The following ANO10 variants were observed in gnomAD, a reference collection of about 807,000 sequenced individuals.
ANO10 encodes anoctamin-10.
In ANO10, 77 loss-of-function variants were observed where a neutral mutation model predicts 74.7. The ratio of observed to expected loss-of-function variants is 1.03; its 90% CI spans 0.86 to 1.25. The LOEUF (loss-of-function observed/expected upper bound fraction) is 1.25. Ranked by LOEUF, ANO10 falls within the 50% of genes most tolerant of loss-of-function variation. The pLI is 0.00. For missense variants in ANO10, 721 were observed against 778.1 expected, an observed-to-expected ratio of 0.93 and a Z score of 0.87; for synonymous variants, 279 against 284.9, an observed-to-expected ratio of 0.98 and a Z score of 0.21.
At chr3:43,466,743 CACA>C (rs2075644416) in intron 11 of ANO10, among the ~76,000 whole-genome samples, 1 of 152,056 alleles carries the variant, frequency 6.6e-6, no homozygotes, top group Non-Finnish European at 1.5e-5. Context: ...ATCACAAACA[CACA>C]ACGAGAAACT....
chr3:43,649,102 G>A (rs564700609), intron 1 of ANO10, among the ~76,000 whole-genome samples: 45 of 152,214 alleles, frequency 3.0e-4, no homozygotes, highest in South Asian at 1.0e-3. Context: ...AACCCAGTAG[G>A]TCTCAGCCTT....
At chr3:43,376,522 G>C (rs1160008259) in intron 12 of ANO10, among the ~76,000 whole-genome samples, 2 of 152,176 alleles carry the variant, frequency 1.3e-5, no homozygotes, top group African/African-American at 4.8e-5. Context: ...ATATACGAAA[G>C]CTACAATTAC....
chr3:43,599,831 G>A (rs923520851), intron 3 of ANO10, among the ~76,000 whole-genome samples: 32 of 151,752 alleles, frequency 2.1e-4, no homozygotes, highest in African/African-American at 7.3e-4. Context: ...GCGTGAACCC[G>A]AGAGGCGGAG....
At chr3:43,434,554 G>A (rs2093038598) in intron 11 of ANO10, among the ~76,000 whole-genome samples, 1 of 152,146 alleles carries the variant, frequency 6.6e-6, no homozygotes. Flanking sequence ...AGTTGCCAGA[G>A]CCCTACATGA....
chr3:43,662,107 T>C (rs113143002), intron 1 of ANO10, among the ~76,000 whole-genome samples: 3,412 of 152,306 alleles, frequency 0.022, 142 homozygotes, highest in African/African-American at 0.077. Flanking sequence ...ATATACATTC[T>C]TCTCAGCACT....
At chr3:43,430,742 C>A (rs1031897077) in intron 12 of ANO10, among the ~76,000 whole-genome samples, 2 of 151,914 alleles carry the variant, frequency 1.3e-5, no homozygotes, top group Admixed American at 6.6e-5. Flanking sequence ...CCCCATTTTT[C>A]TTCTTTATCA....
intron 10 of ANO10, among the ~76,000 whole-genome samples, chr3:43,554,862 G>A (rs1355485905): frequency 2.0e-5 from 3 of 152,178 alleles, no homozygotes; most frequent in Admixed American, 6.5e-5. Flanking sequence ...ACCACCCCAG[G>A]ACTAGAAAAC....
chr3:43,371,862 T>A (rs2091623725), intron 12 of ANO10, among the ~76,000 whole-genome samples: 1 of 152,184 alleles, frequency 6.6e-6, no homozygotes, highest in Non-Finnish European at 1.5e-5. Flanking sequence ...ACTTTTTATT[T>A]GTTATCTCTA....
At chr3:43,539,522 G>T (rs1297074689) in intron 11 of ANO10, among the ~76,000 whole-genome samples, 1 of 152,202 alleles carries the variant, frequency 6.6e-6, no homozygotes, top group African/African-American at 2.4e-5. Context: ...CACCTAGCAG[G>T]TCTGTTGTTG....
At position 43,640,585 on chromosome 3, in the gene ANO10, A is replaced by G. The variant is rs2083661735; in HGVS notation, c.-11-34722T>C. On this transcript the variant is annotated intron_variant, in intron 1 of 3. Coordinates refer to the ANO10 transcript ENST00000413397. ...TTTCTAATGTTCCTATTTTCTCACC[A>G]TGTAGCAAAAAAGCAGAAGAGCACA... is the stretch of plus-strand genomic sequence containing the variant. Among the ~76,000 whole-genome samples, 3 of 152,340 alleles carry G rather than the reference A, an allele frequency of 2.0e-5. No individual in the cohort carries two copies. In the South Asian group the frequency reaches 6.2e-4, roughly 32 times the overall value.
intron 12 of ANO10, among the ~76,000 whole-genome samples, chr3:43,377,636 G>C (rs2091846175): frequency 6.6e-6 from 1 of 152,158 alleles, no homozygotes; most frequent in South Asian, 2.1e-4. Flanking sequence ...CCTCATCTTT[G>C]ATCTGAGGTT....
At chr3:43,401,017 T>C (rs2092471885) in intron 12 of ANO10, among the ~76,000 whole-genome samples, 1 of 152,228 alleles carries the variant, frequency 6.6e-6, no homozygotes, top group Admixed American at 6.5e-5. Flanking sequence ...ATCTGTTTCC[T>C]GGGAGAAAAG....
intron 1 of ANO10, among the ~76,000 whole-genome samples, chr3:43,630,114 A>C (rs1171132803): frequency 1.3e-5 from 2 of 152,232 alleles, no homozygotes; most frequent in Non-Finnish European, 2.9e-5. Flanking sequence ...AGAAGCAAAC[A>C]AACAATCTGA....
chr3:43,372,699 T>C (rs1269847628), intron 12 of ANO10: 2 of 687,574 alleles, frequency 2.9e-6, no homozygotes, highest in African/African-American at 3.6e-5. Flanking sequence ...TTTGCAGATT[T>C]TTTTTCTGTC....
chr3:43,486,839 T>C (rs1405766637), intron 11 of ANO10, among the ~76,000 whole-genome samples: 2 of 149,954 alleles, frequency 1.3e-5, no homozygotes, highest in East Asian at 1.9e-4. Context: ...TCCAACACTA[T>C]GTTGAATAGG....
intron 7 of ANO10, among the ~76,000 whole-genome samples, chr3:43,567,891 A>C (rs1245794081): frequency 6.6e-6 from 1 of 152,202 alleles, no homozygotes; most frequent in Non-Finnish European, 1.5e-5. Flanking sequence ...AGACGGGCAA[A>C]CTGGATAAAG....
chr3:43,413,427 T>G (rs954998680), intron 12 of ANO10, among the ~76,000 whole-genome samples: 1 of 151,940 alleles, frequency 6.6e-6, no homozygotes, highest in Non-Finnish European at 1.5e-5. Context: ...CTCCTGACAG[T>G]TCATTCTCAC....
rs780058646 is a variant in ANO10 at position 43,555,520 on chromosome 3, T to C, written c.1477-51A>G. On this transcript the variant is annotated intron_variant, in intron 9 of 12. Coordinates refer to ENST00000292246, the MANE Select transcript of ANO10 (RefSeq NM_018075.5). ...ATTTTAATATCATACAATAGGAATATCCTTTTGCAATACTAATCAAAGCTG... is the reference window on the plus strand; with the variant it reads ...ATTTTAATATCATACAATAGGAATACCCTTTTGCAATACTAATCAAAGCTG... 11 of 1,568,394 alleles carry C rather than the reference T, an allele frequency of 7.0e-6. 1 individual carries two copies. The South Asian group carries it at 1.1e-4, about 16-fold the overall frequency.
chr3:43,553,393 T>C (rs541665193), intron 10 of ANO10, among the ~76,000 whole-genome samples: 3 of 152,196 alleles, frequency 2.0e-5, no homozygotes, highest in African/African-American at 7.2e-5. Flanking sequence ...TTCAAGTACT[T>C]TTTGGGCCCC....
Sources: gnomAD v4.1 joint callset for allele counts (sites outside exome capture counted in the v4.1 genomes callset) on GRCh38, gnomAD v4.1.1 for gene constraint, MANE v1.5 for transcripts, NCBI Gene and HGNC (gene_info 2026-07-23, HGNC 2026-07-21) for gene names.